Variants in CDC14B observed in about 807,000 individuals in gnomAD.
CDC14B encodes dual specificity protein phosphatase CDC14B.
In CDC14B, 22 loss-of-function variants were observed where a neutral mutation model predicts 64.2. The observed-to-expected ratio is 0.34, with a 90% CI of 0.24 to 0.49. CDC14B has a LOEUF of 0.49. CDC14B is among the 20% of genes least tolerant of loss of function. CDC14B has a pLI of 0.99. For missense variants in CDC14B, 498 were observed against 629.9 expected (o/e 0.79, Z 2.24); for synonymous variants, 191 against 215.8 (o/e 0.89, Z 1.01).
At chr9:96,517,273 C>G (rs140589311) in intron 12 of CDC14B, among the ~76,000 whole-genome samples, 2 of 150,614 alleles carry the variant, frequency 1.3e-5, no homozygotes, top group Non-Finnish European at 3.0e-5. Context: ...GCTCGGGAGG[C>G]GGAGGTTGCA....
intron 9 of CDC14B, among the ~76,000 whole-genome samples, chr9:96,525,857 G>T (rs548644721): frequency 1.3e-5 from 2 of 152,316 alleles, no homozygotes; most frequent in African/African-American, 4.8e-5. Context: ...GTTCAGAACT[G>T]TTGAGATGGG....
intron 4 of CDC14B, among the ~76,000 whole-genome samples, chr9:96,553,137 TAA>T (rs1335475242): frequency 6.6e-6 from 1 of 152,164 alleles, no homozygotes. Context: ...AAATGTTTAA[TAA>T]AAGTTGATAT....
rs560122954 is a variant in CDC14B, at chr9:96,572,693, C to T, written c.161-7210G>A. Among the ~76,000 whole-genome samples the T allele has an allele frequency of 8.5e-5, 13 of 152,208 alleles. No individual in the cohort carries two copies. In the East Asian group the frequency reaches 2.1e-3, roughly 25 times the overall value. On this transcript the variant is annotated intron_variant, in intron 1 of 13. Transcript: ENST00000375241. ...GAACAGATTACAGGAAAAAGTCACA[C>T]GATTATCTCATTAAAAACAGAGAAG...
intron 5 of CDC14B, among the ~76,000 whole-genome samples, chr9:96,543,103 G>A (rs1370830520): frequency 1.3e-5 from 2 of 152,146 alleles, no homozygotes; most frequent in Non-Finnish European, 2.9e-5. Flanking sequence ...TTGCGAGGCC[G>A]AGGCAAGTGG....
chr9:96,568,968 T>C (rs921672485), intron 1 of CDC14B, among the ~76,000 whole-genome samples: 1 of 151,898 alleles, frequency 6.6e-6, no homozygotes, highest in African/African-American at 2.4e-5. Flanking sequence ...CAAGATGGAC[T>C]GTTAAGCGCT....
chr9:96,547,366 T>G (rs1216047439), intron 5 of CDC14B, among the ~76,000 whole-genome samples: 1 of 151,276 alleles, frequency 6.6e-6, no homozygotes, highest in African/African-American at 2.4e-5. Flanking sequence ...CTCAGGAGGC[T>G]GAGGCAGGAG....
chr9:96,593,191 C>G (rs1278978063), intron 1 of CDC14B, among the ~76,000 whole-genome samples: 1 of 151,894 alleles, frequency 6.6e-6, no homozygotes, highest in African/African-American at 2.4e-5. Context: ...CTTCAGCAGT[C>G]AAAAAGCCAT....
chr9:96,517,066 G>A (rs1320333450), intron 12 of CDC14B, among the ~76,000 whole-genome samples: 3 of 151,722 alleles, frequency 2.0e-5, no homozygotes, highest in Admixed American at 6.6e-5. Context: ...TCGGCCGGGC[G>A]CAGTGGCTCA....
chr9:96,532,525 A>C (rs1322783716), intron 9 of CDC14B, among the ~76,000 whole-genome samples: 1 of 152,064 alleles, frequency 6.6e-6, no homozygotes, highest in East Asian at 1.9e-4. Flanking sequence ...AAATCTGGGG[A>C]GTTTTCAGCC....
downstream of CDC14B, chr9:96,496,230 C>T: frequency 2.1e-6 from 1 of 471,708 alleles, no homozygotes; most frequent in South Asian, 1.5e-5. Flanking sequence ...TCAATTGCAC[C>T]TGGAGAGAAC....
chr9:96,592,917 T>G (rs1345889289), intron 1 of CDC14B, among the ~76,000 whole-genome samples: 1 of 152,184 alleles, frequency 6.6e-6, no homozygotes, highest in Non-Finnish European at 1.5e-5. Flanking sequence ...CCATTTGGTA[T>G]TCATCTACAA....
At chr9:96,498,042 A>G (rs889398957), downstream of CDC14B, among the ~76,000 whole-genome samples, 9 of 152,234 alleles carry the variant, frequency 5.9e-5, no homozygotes, top group African/African-American at 1.9e-4. Flanking sequence ...CCCAGGAAGA[A>G]TTTCTGCAGA....
At chr9:96,531,432 C>A (rs1838467891) in intron 9 of CDC14B, among the ~76,000 whole-genome samples, 1 of 152,134 alleles carries the variant, frequency 6.6e-6, no homozygotes, top group African/African-American at 2.4e-5. Context: ...CAATACTGAT[C>A]ATTTTTACGT....
At chr9:96,600,409 G>A (rs1424222751) in intron 1 of CDC14B, among the ~76,000 whole-genome samples, 2 of 151,878 alleles carry the variant, frequency 1.3e-5, no homozygotes, top group Non-Finnish European at 2.9e-5. Context: ...AGAACCATGT[G>A]AATTTATTTA....
At chr9:96,508,699 G>A (rs1834513298) in intron 13 of CDC14B, among the ~76,000 whole-genome samples, 2 of 152,138 alleles carry the variant, frequency 1.3e-5, no homozygotes, top group African/African-American at 2.4e-5. Context: ...GAGGAGACAT[G>A]GCAGAGCTGA....
chr9:96,566,872 G>A (rs1473614128), intron 1 of CDC14B: 1 of 1,572,196 alleles, frequency 6.4e-7, no homozygotes, highest in African/African-American at 1.4e-5. Context: ...CCGCCGAGAG[G>A]GGAGGCGCCG....
In CDC14B at chr9:96,523,753, A is replaced by G. The variant is rs16911078; in HGVS notation, c.947-28T>C. ...AGGAAAATAAAGAAGCACAGAAATG[A>G]AACTTGGGCTGATGTACTCCAGGAT... On this transcript the variant is annotated intron_variant, in intron 9 of 13. Coordinates refer to ENST00000375241, the MANE Select transcript of CDC14B (RefSeq NM_033331.4). 1.5e-3 allele frequency: 2,424 copies of G among 1,603,376 alleles called. 43 individuals carry two copies. The African/African-American group carries it at 0.027, about 18-fold the overall frequency.
At chr9:96,496,958 G>A (rs370343764), downstream of CDC14B, among the ~76,000 whole-genome samples, 16 of 152,358 alleles carry the variant, frequency 1.1e-4, no homozygotes, top group East Asian at 2.9e-3. Flanking sequence ...CCGAGTAGGC[G>A]GGTGCCAGGA....
intron 4 of CDC14B, among the ~76,000 whole-genome samples, chr9:96,555,187 G>A (rs1046011935): frequency 1.3e-5 from 2 of 152,196 alleles, no homozygotes; most frequent in Non-Finnish European, 2.9e-5. Context: ...GGGTGCCCCT[G>A]TGTAACGAAC....
Sources: gnomAD v4.1 joint callset for allele counts (sites outside exome capture counted in the v4.1 genomes callset) on GRCh38, gnomAD v4.1.1 for gene constraint, MANE v1.5 for transcripts, NCBI Gene and HGNC (gene_info 2026-07-23, HGNC 2026-07-21) for gene names.